The following DNAAF9 variants were observed in gnomAD, a reference collection of about 807,000 sequenced individuals.
The protein encoded by DNAAF9 is shulin.
In DNAAF9, 90 loss-of-function variants were observed where a neutral mutation model predicts 167.0. The ratio of observed to expected loss-of-function variants is 0.54; its 90% CI spans 0.45 to 0.64. The LOEUF is 0.64. DNAAF9 is among the 30% of genes least tolerant of loss of function. The pLI, the probability that DNAAF9 is intolerant of heterozygous loss-of-function variation, is 0.00. For missense variants in DNAAF9, 1,315 were observed against 1,442.2 expected (o/e 0.91, Z 1.43); for synonymous variants, 491 against 508.8 (o/e 0.96, Z 0.47).
intron 9 of DNAAF9, among the ~76,000 whole-genome samples, chr20:3,343,392 C>T (rs559498674): frequency 1.3e-5 from 2 of 152,244 alleles, no homozygotes; most frequent in African/African-American, 4.8e-5. Context: ...GGTGATCTGC[C>T]CACCTTGGCC....
Position 3,336,252 on chromosome 20 carries a change from G to GTTTTTTTTTTT in DNAAF9, c.982-3892_982-3891insAAAAAAAAAAA, listed in dbSNP as rs1178750984. On this transcript the variant is annotated intron_variant, in intron 10 of 36. Coordinates refer to ENST00000252032, the MANE Select transcript of DNAAF9 (RefSeq NM_001009984.3). ...TGATTTTGCAGATTCACAGTTTTGC[G>GTTTTTTTTTTT]TTTTTGTTTTTTTTTTTTTTTTTGC... Among the ~76,000 whole-genome samples, 622 of 81,200 alleles carry GTTTTTTTTTTT rather than the reference G, an allele frequency of 7.7e-3. 60 individuals are homozygous for GTTTTTTTTTTT. The highest frequency in any genetic ancestry group is 0.012 in the East Asian group (35 of 2,980). The allele number at this position is 81,200 out of a possible 152,430, so 53.3% of individuals were successfully genotyped here.
chr20:3,371,228 T>C (rs996287243), intron 6 of DNAAF9, among the ~76,000 whole-genome samples: 12 of 151,664 alleles, frequency 7.9e-5, no homozygotes, highest in East Asian at 1.9e-4. Flanking sequence ...TTAATTTTGA[T>C]TGCTCACCTC....
intron 30 of DNAAF9, among the ~76,000 whole-genome samples, chr20:3,268,900 T>C (rs2068538571): frequency 1.2e-5 from 1 of 83,318 alleles, no homozygotes; most frequent in African/African-American, 4.6e-5. Context: ...TATGTTACTT[T>C]TTTTTTTTTT....
chr20:3,362,895 T>G (rs1210656258), intron 6 of DNAAF9, among the ~76,000 whole-genome samples: 2 of 152,192 alleles, frequency 1.3e-5, no homozygotes, highest in Admixed American at 6.5e-5. Flanking sequence ...CTTGGTTAAC[T>G]ACCCTTGTTT....
chr20:3,310,297 A>G, intron 20 of DNAAF9, among the ~76,000 whole-genome samples: 1 of 144,314 alleles, frequency 6.9e-6, no homozygotes, highest in Non-Finnish European at 1.5e-5. Flanking sequence ...AAAGAAAAGA[A>G]AAAAGAAAAG....
chr20:3,299,231 A>G (rs2069140183), intron 21 of DNAAF9, among the ~76,000 whole-genome samples: 1 of 151,876 alleles, frequency 6.6e-6, no homozygotes. Flanking sequence ...CTTTCAGTTA[A>G]TTTATTGTAC....
chr20:3,350,974 T>C (rs932303323), intron 7 of DNAAF9, among the ~76,000 whole-genome samples: 4 of 152,086 alleles, frequency 2.6e-5, no homozygotes, highest in Admixed American at 2.6e-4. Context: ...AATTAATGAA[T>C]TAAGGATCTA....
intron 31 of DNAAF9, among the ~76,000 whole-genome samples, chr20:3,261,865 G>A (rs1162677426): frequency 1.3e-5 from 2 of 151,842 alleles, no homozygotes; most frequent in African/African-American, 2.4e-5. Flanking sequence ...GAATCCTTAG[G>A]GGAATTTGCA....
At chr20:3,402,882 T>C (rs577193857) in intron 1 of DNAAF9, among the ~76,000 whole-genome samples, 11 of 152,348 alleles carry the variant, frequency 7.2e-5, no homozygotes, top group Admixed American at 5.2e-4. Context: ...AGTGAGATCA[T>C]GTGGTCCTGG....
rs1023222717 is a variant in DNAAF9 at position 3,251,629 on chromosome 20, G to C, written c.*943C>G. The stretch of plus-strand genomic sequence containing the variant: ...AGCAACAACACTTTGGGGAGCGGGG[G>C]GATGAGTTTCCTGAAGTTTGTGGCT... On this transcript the variant is annotated 3_prime_UTR_variant, in exon 37 of 37. Transcript: ENST00000252032. 6.6e-6 allele frequency: 1 copy of C among 152,360 alleles called. No homozygotes were observed. Among genetic ancestry groups the C allele is most frequent in the Non-Finnish European group, 1.5e-5 (1 of 68,144 alleles). 9.4% of individuals were successfully genotyped at this position (152,360 alleles called of 1,614,324 possible).
chr20:3,394,942 C>CTTTTTTTTTTTTTTTTTTTTTT (rs1258382355), intron 1 of DNAAF9, among the ~76,000 whole-genome samples: 2 of 89,054 alleles, frequency 2.2e-5, no homozygotes, highest in African/African-American at 3.9e-5. Context: ...TGAACATTTT[C>CTTTTTTTTTTTTTTTTTTTTTT]TTTTTTCTTT....
chr20:3,326,333 T>G, intron 12 of DNAAF9, 49 bp from the exon 13 acceptor site: 2 of 1,266,754 alleles, frequency 1.6e-6, no homozygotes, highest in Middle Eastern at 1.9e-4. Flanking sequence ...ATGAGGTTTT[T>G]GTCAAAAGAT....
At chr20:3,284,036 CA>C (rs2068807289) in intron 27 of DNAAF9, among the ~76,000 whole-genome samples, 1 of 152,104 alleles carries the variant, frequency 6.6e-6, no homozygotes, top group Non-Finnish European at 1.5e-5. Context: ...GGCCCCAGGC[CA>C]TTCACTCTAT....
intron 1 of DNAAF9, among the ~76,000 whole-genome samples, chr20:3,387,884 T>TAAAAAAAAAAAAAAAAA (rs557861791): frequency 1.4e-4 from 12 of 87,368 alleles, no homozygotes; most frequent in East Asian, 4.3e-4. Flanking sequence ...CTACAAAAAG[T>TAAAAAAAAAAAAAAAAA]AAAAAAAAAA....
At chr20:3,329,449 G>A (rs933674394) in intron 12 of DNAAF9, among the ~76,000 whole-genome samples, 3 of 152,176 alleles carry the variant, frequency 2.0e-5, no homozygotes, top group Non-Finnish European at 4.4e-5. Context: ...GAGCCACTGC[G>A]CTCAGTCCCA....
chr20:3,397,395 T>C (rs1356918982), intron 1 of DNAAF9, among the ~76,000 whole-genome samples: 1 of 152,224 alleles, frequency 6.6e-6, no homozygotes, highest in African/African-American at 2.4e-5. Flanking sequence ...CTTGGCTCAC[T>C]GCAGGCTCCG....
intron 15 of DNAAF9, 86 bp from the exon 16 acceptor site, chr20:3,322,348 A>T: frequency 1.9e-6 from 2 of 1,037,456 alleles, no homozygotes; most frequent in South Asian, 1.3e-5. Context: ...CAACTTGGCA[A>T]TGACAAGTCA....
intron 20 of DNAAF9, among the ~76,000 whole-genome samples, chr20:3,310,132 C>T (rs896711985): frequency 2.6e-5 from 4 of 151,588 alleles, no homozygotes; most frequent in African/African-American, 9.7e-5. Context: ...GCAGAGGTTG[C>T]AGTGAGCCAA....
Position 3,348,562 on chromosome 20 carries a change from G to T in DNAAF9, c.752C>A (p.Pro251His). 1.9e-6 allele frequency: 3 copies of T among 1,603,812 alleles called. No individual in the cohort carries two copies. Among genetic ancestry groups the T allele is most frequent in the Non-Finnish European group, 1.7e-6 (2 of 1,173,782 alleles). Residue 251 changes from proline (P) to histidine (H), a missense_variant, in exon 8 of 37, where the codon CCT becomes CAT. Transcript: ENST00000252032. The part of the protein sequence containing the change: ...SFFANFDTEI[P>H]FLLELSESQA... Reference sequence around the variant, plus strand: ...AGATTCTGAAAGTTCTAGCAGGAAAGGAATTTCTGTGTCAAAATTAGCGAA... The same window carrying T: ...AGATTCTGAAAGTTCTAGCAGGAAATGAATTTCTGTGTCAAAATTAGCGAA...
Sources: gnomAD v4.1 joint callset for allele counts (sites outside exome capture counted in the v4.1 genomes callset) on GRCh38, gnomAD v4.1.1 for gene constraint, MANE v1.5 for transcripts, NCBI Gene and HGNC (gene_info 2026-07-23, HGNC 2026-07-21) for gene names.